The following PTPRT variants were observed in gnomAD, a reference collection of about 807,000 sequenced individuals.
PTPRT encodes the protein receptor-type tyrosine-protein phosphatase T.
PTPRT carries 56 observed loss-of-function variants against 176.8 expected under a neutral mutation model. That is an observed-to-expected ratio of 0.32 (90% CI 0.26 to 0.40). The LOEUF (loss-of-function observed/expected upper bound fraction) is 0.40, where lower values mean the gene tolerates loss of function less well. PTPRT is among the 10% of genes least tolerant of loss of function. The pLI, the probability that PTPRT is intolerant of heterozygous loss-of-function variation, is 1.00. For missense variants in PTPRT, 1,540 were observed against 1,908.2 expected, an observed-to-expected ratio of 0.81 and a Z score of 3.60; for synonymous variants, 783 against 739.0, an observed-to-expected ratio of 1.06 and a Z score of -0.96.
At chr20:42,515,524 AG>A (rs1164102069) in intron 7 of PTPRT, among the ~76,000 whole-genome samples, 1 of 152,166 alleles carries the variant, frequency 6.6e-6, no homozygotes, top group Non-Finnish European at 1.5e-5. Context: ...GTTCAGCCCT[AG>A]GAAGTTATAT....
chr20:42,838,953 C>G (rs1169549249), intron 2 of PTPRT, among the ~76,000 whole-genome samples: 1 of 152,060 alleles, frequency 6.6e-6, no homozygotes, highest in Non-Finnish European at 1.5e-5. Flanking sequence ...CCTTTGGTCC[C>G]CAGGGTTGGT....
intron 1 of PTPRT, among the ~76,000 whole-genome samples, chr20:42,994,498 C>A (rs2223558): frequency 0.2 from 30,351 of 151,756 alleles, 3,132 homozygotes; most frequent in Non-Finnish European, 0.22. Flanking sequence ...AACTCAGGTG[C>A]TACTGGAACC....
intron 9 of PTPRT, among the ~76,000 whole-genome samples, chr20:42,420,754 G>A (rs563996786): frequency 6.6e-6 from 1 of 152,308 alleles, no homozygotes; most frequent in South Asian, 2.1e-4. Flanking sequence ...AAGCAATTCT[G>A]AAACCAACCC....
intron 21 of PTPRT, chr20:42,116,234 T>C (rs975771705): frequency 1.1e-5 from 7 of 615,336 alleles, no homozygotes; most frequent in Admixed American, 5.5e-5. Context: ...TTCTTTCTCA[T>C]GCTAGTGCTA....
chr20:42,916,546 T>G (rs556574103), intron 1 of PTPRT, among the ~76,000 whole-genome samples: 11 of 152,342 alleles, frequency 7.2e-5, no homozygotes, highest in African/African-American at 2.6e-4. Context: ...CCACACTGAC[T>G]TCCACAATGG....
At chr20:42,752,699 T>C (rs1198998455) in intron 6 of PTPRT, among the ~76,000 whole-genome samples, 1 of 152,200 alleles carries the variant, frequency 6.6e-6, no homozygotes, top group East Asian at 1.9e-4. Flanking sequence ...GGATTAATGC[T>C]TTTCCCTTGT....
chr20:42,505,988 C>T (rs995901301), intron 7 of PTPRT, among the ~76,000 whole-genome samples: 2 of 152,072 alleles, frequency 1.3e-5, no homozygotes, highest in African/African-American at 2.4e-5. Context: ...CCTTTCCTCC[C>T]GCGTTGTATG....
In PTPRT at chr20:43,128,723, C is replaced by G. The variant is rs929706945; in HGVS notation, c.88+60923G>C. Among the ~76,000 whole-genome samples the G allele has an allele frequency of 3.3e-5, 5 of 152,342 alleles. No homozygotes were observed. The East Asian group carries it at 7.7e-4, about 24-fold the overall frequency. On this transcript the variant is annotated intron_variant, in intron 1 of 30. Coordinates refer to ENST00000373187, the MANE Select transcript of PTPRT (RefSeq NM_007050.6). ...CAGAGGTGCCAAACCCTTGGCTTCA[C>G]TGGCCTTCAGCACATTTGAAAGACA...
intron 7 of PTPRT, among the ~76,000 whole-genome samples, chr20:42,489,274 T>C (rs963760133): frequency 6.6e-6 from 1 of 152,076 alleles, no homozygotes; most frequent in Non-Finnish European, 1.5e-5. Context: ...CAGGTTGTAC[T>C]TTCCTTTGAA....
At chr20:42,156,616 T>C (rs1989365885) in intron 17 of PTPRT, among the ~76,000 whole-genome samples, 1 of 152,350 alleles carries the variant, frequency 6.6e-6, no homozygotes, top group Admixed American at 6.5e-5. Context: ...AACTACTGAT[T>C]GTTCCAGCTC....
chr20:43,086,979 T>C (rs1330424471), intron 1 of PTPRT, among the ~76,000 whole-genome samples: 1 of 152,192 alleles, frequency 6.6e-6, no homozygotes, highest in Non-Finnish European at 1.5e-5. Context: ...GACAAACATA[T>C]ACAATTGTGT....
intron 2 of PTPRT, among the ~76,000 whole-genome samples, chr20:42,867,963 T>C (rs1245551375): frequency 6.6e-6 from 1 of 152,184 alleles, no homozygotes. Flanking sequence ...ATTACAGGCA[T>C]GAGCCACTGC....
chr20:42,640,660 G>C (rs573694913), intron 7 of PTPRT, among the ~76,000 whole-genome samples: 85 of 152,158 alleles, frequency 5.6e-4, no homozygotes, highest in African/African-American at 1.9e-3. Flanking sequence ...TACCTGCCAT[G>C]CCACCCAGCG....
At position 43,100,786 on chromosome 20, in the gene PTPRT, G is replaced by A. The variant is rs115511556; in HGVS notation, c.88+88860C>T. ...GGGACACCCAGACAGGCATAATAGCGCAAAGAGGGAAGGTGCCCAGGTGGG... is the reference window on the plus strand; with the variant it reads ...GGGACACCCAGACAGGCATAATAGCACAAAGAGGGAAGGTGCCCAGGTGGG... On this transcript the variant is annotated intron_variant, in intron 1 of 30. Transcript: ENST00000373187. 1.9e-3 allele frequency among the ~76,000 whole-genome samples: 296 copies of A among 152,294 alleles called. 1 individual carries two copies. Among genetic ancestry groups the A allele is most frequent in the African/African-American group, 6.6e-3 (274 of 41,548 alleles).
At chr20:42,456,249 C>G (rs2070922326) in intron 8 of PTPRT, among the ~76,000 whole-genome samples, 1 of 151,940 alleles carries the variant, frequency 6.6e-6, no homozygotes, top group African/African-American at 2.4e-5. Flanking sequence ...AATGTCTTGG[C>G]AAACATGCTA....
At chr20:43,109,977 G>A (rs966003128) in intron 1 of PTPRT, among the ~76,000 whole-genome samples, 1 of 152,182 alleles carries the variant, frequency 6.6e-6, no homozygotes, top group African/African-American at 2.4e-5. Context: ...TTTTATCTCA[G>A]GAGCAATGGG....
At chr20:42,414,195 T>G (rs1011650583) in intron 9 of PTPRT, among the ~76,000 whole-genome samples, 1 of 152,194 alleles carries the variant, frequency 6.6e-6, no homozygotes, top group African/African-American at 2.4e-5. Context: ...TGGATGAATA[T>G]CAGTAGATAT....
At chr20:42,543,180 C>T (rs1039311312) in intron 7 of PTPRT, among the ~76,000 whole-genome samples, 1 of 152,210 alleles carries the variant, frequency 6.6e-6, no homozygotes, top group African/African-American at 2.4e-5. Flanking sequence ...GATTACTCTG[C>T]AGCATGAGAT....
intron 1 of PTPRT, among the ~76,000 whole-genome samples, chr20:43,103,750 G>GTAA (rs3092031): frequency 0.085 from 12,369 of 146,018 alleles, 926 homozygotes; most frequent in African/African-American, 0.2. Flanking sequence ...GGGGAGATCA[G>GTAA]TAATAATAAT....
Sources: gnomAD v4.1 joint callset for allele counts (sites outside exome capture counted in the v4.1 genomes callset) on GRCh38, gnomAD v4.1.1 for gene constraint, MANE v1.5 for transcripts, NCBI Gene and HGNC (gene_info 2026-07-23, HGNC 2026-07-21) for gene names.